The following FHDC1 variants were observed in gnomAD, a reference collection of about 807,000 sequenced individuals.
The protein encoded by FHDC1 is FH2 domain-containing protein 1.
FHDC1 carries 25 observed loss-of-function variants against 52.6 expected under a neutral mutation model. The ratio of observed to expected loss-of-function variants is 0.48; its 90% CI spans 0.35 to 0.66. The LOEUF (loss-of-function observed/expected upper bound fraction) is 0.66. FHDC1 is among the 30% of genes least tolerant of loss of function. The pLI is 0.01. For missense variants in FHDC1, 1,459 were observed against 1,452.8 expected, an observed-to-expected ratio of 1.00 and a Z score of -0.07; for synonymous variants, 616 against 581.5, an observed-to-expected ratio of 1.06 and a Z score of -0.85.
At chr4:152,966,617 G>A (rs1470980622) in intron 9 of FHDC1, among the ~76,000 whole-genome samples, 1 of 152,010 alleles carries the variant, frequency 6.6e-6, no homozygotes, top group Non-Finnish European at 1.5e-5. Flanking sequence ...CCGCCACCAT[G>A]CCCAGTTAAT....
At chr4:152,915,806 C>T in the FHDC1 span, among the ~76,000 whole-genome samples, 3 of 152,056 alleles carry the variant, frequency 2.0e-5, no homozygotes, top group Non-Finnish European at 4.4e-5. Context: ...CAAAGTATTA[C>T]CCTACAAATG....
chr4:152,975,672 G>C lies in FHDC1; in HGVS notation c.2381G>C (p.Arg794Thr). 1 of 1,613,224 alleles carries C rather than the reference G, an allele frequency of 6.2e-7. No homozygotes were observed. Among genetic ancestry groups the C allele is most frequent in the Non-Finnish European group, 8.5e-7 (1 of 1,179,714 alleles). Residue 794 changes from arginine to threonine, a missense_variant, in exon 12 of 12, where the codon AGA becomes ACA. Physicochemically the swap from Arg to Thr is moderately conservative, Grantham distance 71. Coordinates refer to ENST00000511601, the MANE Select transcript of FHDC1 (RefSeq NM_001371116.1). Reference sequence around the variant, plus strand: ...TCAGAGGGAACCGACTCCAGACCCAGAGGCGGGGACCCGGAGGAAGGCGGG... The same window carrying C: ...TCAGAGGGAACCGACTCCAGACCCACAGGCGGGGACCCGGAGGAAGGCGGG... ...DCSEGTDSRP[R>T]GGDPEEGGEG...
rs1740447024 is a variant in FHDC1, at chr4:152,966,058, C to CT, written c.1100+1085dup. On this transcript the variant is annotated intron_variant, in intron 9 of 11. Transcript: ENST00000511601. ...ATTGTTCTCTAAAAAGAATGGACAT[C>CT]TTATAAGATAGGAACTTTTGACTTA... is the stretch of plus-strand genomic sequence containing the variant. Among the ~76,000 whole-genome samples, 4 of 152,296 alleles carry CT rather than the reference C, an allele frequency of 2.6e-5. No individual in the cohort carries two copies. The South Asian group carries it at 8.3e-4, about 32-fold the overall frequency.
intron 10 of FHDC1, among the ~76,000 whole-genome samples, chr4:152,968,572 G>T: frequency 6.6e-6 from 1 of 152,198 alleles, no homozygotes; most frequent in East Asian, 1.9e-4. Context: ...CAGGTGATCC[G>T]CACTCACTGG....
the FHDC1 span, among the ~76,000 whole-genome samples, chr4:152,921,487 A>G: frequency 6.6e-6 from 1 of 152,056 alleles, no homozygotes; most frequent in Non-Finnish European, 1.5e-5. Context: ...AATCATTTTT[A>G]TAGTCTGTGA....
In FHDC1 at chr4:152,976,011, C is replaced by G; in HGVS notation, c.2720C>G (p.Pro907Arg). The G allele has an allele frequency of 6.5e-7, 1 of 1,548,172 alleles. No homozygotes were observed. Among genetic ancestry groups the G allele is most frequent in the Non-Finnish European group, 8.7e-7 (1 of 1,151,358 alleles). The part of the protein sequence containing the change: ...SENESMRKVM[P>R]ITKSSRGAGW... ...AACGAGAGCATGCGCAAGGTCATGC[C>G]CATCACCAAGTCCAGCAGAGGCGCC... The change falls in exon 12 of 12, where the codon CCC becomes CGC. Residue 907 changes from proline to arginine, a missense_variant. Pro to Arg is a moderately radical substitution (Grantham distance 103, BLOSUM62 -2). Coordinates refer to ENST00000511601, the MANE Select transcript of FHDC1 (RefSeq NM_001371116.1).
the FHDC1 span, among the ~76,000 whole-genome samples, chr4:152,918,663 G>A: frequency 2.0e-5 from 3 of 152,188 alleles, no homozygotes; most frequent in Admixed American, 2.0e-4. Flanking sequence ...TGTCAAAGCT[G>A]GAGTTGTTTT....
chr4:152,941,944 C>A (rs1338312174), intron 1 of FHDC1, among the ~76,000 whole-genome samples: 1 of 152,200 alleles, frequency 6.6e-6, no homozygotes, highest in African/African-American at 2.4e-5. Context: ...CCCCACTTAC[C>A]TGTTCTCGTA....
intron 9 of FHDC1, 67 bp from the exon 10 acceptor site, chr4:152,967,913 T>C: frequency 8.4e-7 from 1 of 1,185,202 alleles, no homozygotes; most frequent in East Asian, 2.4e-5. Context: ...GTTAGTCTTA[T>C]TTAATATACC....
chr4:152,967,734 T>A (rs17029345), intron 9 of FHDC1, among the ~76,000 whole-genome samples: 41,242 of 152,166 alleles, frequency 0.27, 6,152 homozygotes, highest in African/African-American at 0.38. Context: ...CATGGTTTTG[T>A]TTATCTTACC....
In FHDC1 at chr4:152,974,943, T is replaced by C; in HGVS notation, c.1652T>C (p.Leu551Pro). The C allele has an allele frequency of 1.2e-6, 2 of 1,612,508 alleles. No individual in the cohort carries two copies. The highest frequency in any genetic ancestry group is 1.7e-6 in the Non-Finnish European group (2 of 1,179,876). The change falls in exon 12 of 12, where the codon CTG (leucine) becomes CCG (proline). Residue 551 changes from leucine to proline, a missense_variant. Transcript: ENST00000511601. ...CTGGGTCCCTCTGCTGACCGGGAGC[T>C]GCTGACCTTCTTGGAGAGCTCCACC... ...LSLGPSADRE[L>P]LTFLESSTGS... is the part of the protein sequence containing the mutation.
At position 152,975,869 on chromosome 4, in the gene FHDC1, G is replaced by T; in HGVS notation, c.2578G>T (p.Val860Leu). 6.6e-7 allele frequency: 1 copy of T among 1,515,162 alleles called. No individual in the cohort carries two copies. The highest frequency in any genetic ancestry group is 8.8e-7 in the Non-Finnish European group (1 of 1,133,430). 93.9% of individuals were successfully genotyped at this position (1,515,162 alleles called of 1,614,324 possible). A position where few individuals can be genotyped will look rare whatever the true frequency, so the allele number is the denominator to read the frequency against. The change falls in exon 12 of 12, where the codon GTA becomes TTA. Residue 860 changes from valine to leucine, a missense_variant. By Grantham distance (32) the Val-to-Leu change is conservative. Around this residue, in one of 3 missense-constraint regions of FHDC1, gnomAD observed 939 missense variants for 854.5 expected, o/e 1.10. Transcript: ENST00000511601. The part of the protein sequence containing the change: ...RDKPTKRKDV[V>L]APKRGSLKEA... The stretch of plus-strand genomic sequence containing the variant: ...CAAACCCACCAAAAGGAAAGATGTT[G>T]TAGCACCAAAGAGAGGCTCCCTGAA...
At chr4:152,969,669 T>G (rs1352141870) in intron 10 of FHDC1, among the ~76,000 whole-genome samples, 1 of 146,728 alleles carries the variant, frequency 6.8e-6, no homozygotes, top group Non-Finnish European at 1.5e-5. Context: ...GCAGTCGTTT[T>G]TTTTTTTTTT....
At chr4:152,938,676 C>T (rs1172588520) in intron 1 of FHDC1, among the ~76,000 whole-genome samples, 1 of 152,194 alleles carries the variant, frequency 6.6e-6, no homozygotes, top group Non-Finnish European at 1.5e-5. Flanking sequence ...AGCATGTGGG[C>T]CAGCCCTTCC....
In FHDC1 at chr4:152,958,359, T is replaced by G. The variant is rs368595356; in HGVS notation, c.664-2206T>G. 7.2e-5 allele frequency among the ~76,000 whole-genome samples: 11 copies of G among 152,326 alleles called. 1 individual carries two copies. The highest frequency in any genetic ancestry group is 3.9e-4 in the Admixed American group (6 of 15,304). ...AATTATAGGGTCTGTTCACCTTTCTTTTTTACTTCCCTGCCGCTGTGAAGA... is the reference window on the plus strand; with the variant it reads ...AATTATAGGGTCTGTTCACCTTTCTGTTTTACTTCCCTGCCGCTGTGAAGA... On this transcript the variant is annotated intron_variant, in intron 4 of 11. Coordinates refer to ENST00000511601, the MANE Select transcript of FHDC1 (RefSeq NM_001371116.1).
chr4:152,970,908 C>T (rs1452811804), intron 10 of FHDC1, among the ~76,000 whole-genome samples: 1 of 152,132 alleles, frequency 6.6e-6, no homozygotes, highest in Non-Finnish European at 1.5e-5. Flanking sequence ...GCAGTTCTAC[C>T]CCTCCAAAGT....
the FHDC1 span, among the ~76,000 whole-genome samples, chr4:152,926,218 T>C: frequency 1.5e-5 from 2 of 130,358 alleles, no homozygotes; most frequent in African/African-American, 5.8e-5. Flanking sequence ...CAAACCAAGG[T>C]CCTAGGAGGG....
intron 1 of FHDC1, among the ~76,000 whole-genome samples, chr4:152,942,523 G>A (rs1739602503): frequency 6.6e-6 from 1 of 152,220 alleles, no homozygotes; most frequent in Non-Finnish European, 1.5e-5. Context: ...CTGGAAAAAG[G>A]TAGGGTCACT....
rs1402227454 is a variant in FHDC1, at chr4:152,965,029, A to T, written c.1100+54A>T. On this transcript the variant is annotated intron_variant, in intron 9 of 11. Coordinates refer to ENST00000511601, the MANE Select transcript of FHDC1 (RefSeq NM_001371116.1). ...ATTCTTTACCTTTTTATGAAAACTGATAAATAGTTAAAACTTTTAGATTCC... is the reference window on the plus strand; with the variant it reads ...ATTCTTTACCTTTTTATGAAAACTGTTAAATAGTTAAAACTTTTAGATTCC... The T allele has an allele frequency of 5.4e-6, 8 of 1,489,506 alleles. No homozygotes were observed. The East Asian group carries it at 1.8e-4, about 34-fold the overall frequency. The allele number at this position is 1,489,506 out of a possible 1,614,324, so 92.3% of individuals were successfully genotyped here. A position where few individuals can be genotyped will look rare whatever the true frequency, so the allele number is the denominator to read the frequency against.
Sources: allele counts gnomAD v4.1 joint callset (sites outside exome capture counted in the v4.1 genomes callset), GRCh38; gene constraint gnomAD v4.1.1; regional missense constraint gnomAD v4.1.1; transcripts MANE v1.5; gene names NCBI Gene and HGNC (gene_info 2026-07-23, HGNC 2026-07-21).